The following SEMA3D variants were observed in gnomAD, a reference collection of about 807,000 sequenced individuals.
SEMA3D encodes semaphorin 3D.
Under a neutral mutation model 100.1 loss-of-function variants are expected in SEMA3D, and 84 were observed. The ratio of observed to expected loss-of-function variants is 0.84; its 90% confidence interval spans 0.70 to 1.01. SEMA3D has a LOEUF of 1.01. Among genes scored for constraint, SEMA3D ranks in the 50% least tolerant of loss-of-function variants. SEMA3D has a pLI of 0.00. For missense variants in SEMA3D, 875 were observed against 934.1 expected, an observed-to-expected ratio of 0.94 and a Z score of 0.82; for synonymous variants, 312 against 320.7, an observed-to-expected ratio of 0.97 and a Z score of 0.29.
chr7:85,169,134 A>G (rs1583986104), intron 1 of SEMA3D, among the ~76,000 whole-genome samples: 1 of 151,748 alleles, frequency 6.6e-6, no homozygotes, highest in South Asian at 2.1e-4. Context: ...TATTAATTAG[A>G]AGGATTTTCA....
chr7:85,142,805 C>T (rs1181443693), intron 2 of SEMA3D: 1 of 984,324 alleles, frequency 1.0e-6, no homozygotes, highest in Non-Finnish European at 1.2e-6. Context: ...CCTTTTCTCT[C>T]TTCGGCTGGG....
the SEMA3D span, among the ~76,000 whole-genome samples, chr7:85,249,955 A>G: frequency 1.3e-5 from 2 of 152,122 alleles, no homozygotes; most frequent in Non-Finnish European, 2.9e-5. Context: ...CATCTGAGGT[A>G]CCGGGTTCAT....
Position 85,144,572 on chromosome 7 carries a change from T to A in SEMA3D, c.-41+9036A>T, listed in dbSNP as rs1383994268. ...AACACAATTCTCACAACCATCAGGA[T>A]TTCCGTGAGGATCTTTATCAGGGTT... On this transcript the variant is annotated intron_variant, in intron 2 of 18. Transcript: ENST00000284136. 3.0e-6 allele frequency: 3 copies of A among 985,094 alleles called. No individual in the cohort carries two copies. The African/African-American group carries it at 5.2e-5, about 17-fold the overall frequency. The allele number at this position is 985,094 out of a possible 1,614,324, so 61.0% of individuals were successfully genotyped here.
intron 13 of SEMA3D, among the ~76,000 whole-genome samples, chr7:85,021,901 C>G (rs551672518): frequency 6.6e-5 from 10 of 151,834 alleles, no homozygotes; most frequent in Admixed American, 1.3e-4. Flanking sequence ...CTAGGAAATA[C>G]ATTTTAATGC....
intron 2 of SEMA3D, chr7:85,142,393 C>T (rs1790077861): frequency 2.2e-6 from 2 of 898,818 alleles, no homozygotes; most frequent in African/African-American, 3.6e-5. Flanking sequence ...AAATTATAAC[C>T]TTATTTAAAA....
intron 1 of SEMA3D, among the ~76,000 whole-genome samples, chr7:85,180,864 G>C (rs1791381646): frequency 6.6e-6 from 1 of 152,050 alleles, no homozygotes; most frequent in Non-Finnish European, 1.5e-5. Context: ...TTATTTTGAG[G>C]CTTTTGTTTG....
In SEMA3D at chr7:85,140,715, T is replaced by C. The variant is rs550553790; in HGVS notation, c.-41+12893A>G. 221 of 979,626 alleles carry C rather than the reference T, an allele frequency of 2.3e-4. 1 individual carries two copies. The highest frequency in any genetic ancestry group is 2.7e-4 in the Non-Finnish European group (219 of 824,862). The allele number at this position is 979,626 out of a possible 1,614,324, so 60.7% of individuals were successfully genotyped here. ...GTCATTATTAAGAGATAAATCTATT[T>C]AATACAAGTTTCTTCTGGTTTCCCT... On this transcript the variant is annotated intron_variant, in intron 2 of 18. Coordinates refer to ENST00000284136, the MANE Select transcript of SEMA3D (RefSeq NM_001384900.1).
intron 17 of SEMA3D, among the ~76,000 whole-genome samples, chr7:85,011,025 G>A (rs1392320884): frequency 6.6e-6 from 1 of 151,744 alleles, no homozygotes; most frequent in African/African-American, 2.4e-5. Flanking sequence ...AGGTATGCTG[G>A]AATATCATTT....
chr7:85,104,673 G>A (rs1788857039), intron 3 of SEMA3D, among the ~76,000 whole-genome samples: 1 of 151,746 alleles, frequency 6.6e-6, no homozygotes, highest in Admixed American at 6.6e-5. Context: ...CAGTATTTGA[G>A]TGTTAAATGA....
intron 2 of SEMA3D, among the ~76,000 whole-genome samples, chr7:85,134,258 G>A (rs1789799512): frequency 6.6e-6 from 1 of 151,930 alleles, no homozygotes; most frequent in Non-Finnish European, 1.5e-5. Context: ...TTTTCAACTA[G>A]AGACTACTAA....
chr7:85,009,518 T>C (rs949446693), intron 17 of SEMA3D, among the ~76,000 whole-genome samples: 1 of 151,692 alleles, frequency 6.6e-6, no homozygotes, highest in Admixed American at 6.6e-5. Context: ...ACTCCCACAA[T>C]TGATTATTTG....
chr7:85,147,066 A>ATCTT (rs1265146311), intron 2 of SEMA3D, among the ~76,000 whole-genome samples: 20 of 116,036 alleles, frequency 1.7e-4, no homozygotes, highest in Non-Finnish European at 3.3e-4. Context: ...TTTTCTGTCC[A>ATCTT]TCTTTCTTTC....
intron 12 of SEMA3D, chr7:85,029,694 A>G: frequency 2.9e-6 from 1 of 347,794 alleles, no homozygotes; most frequent in Non-Finnish European, 5.6e-6. Flanking sequence ...GAGGTTGATT[A>G]AGACAACCCA....
chr7:85,247,899 A>G, the SEMA3D span, among the ~76,000 whole-genome samples: 1 of 152,184 alleles, frequency 6.6e-6, no homozygotes, highest in Non-Finnish European at 1.5e-5. Flanking sequence ...CTCAAAGTGC[A>G]TTATAGGCAT....
At chr7:85,016,258 T>G (rs1790098681) in intron 15 of SEMA3D, among the ~76,000 whole-genome samples, 1 of 151,578 alleles carries the variant, frequency 6.6e-6, no homozygotes, top group South Asian at 2.1e-4. Flanking sequence ...TCCTTTTTTT[T>G]TTTTTTTTGC....
chr7:85,014,583 T>C (rs1790045175), intron 16 of SEMA3D, among the ~76,000 whole-genome samples: 1 of 151,776 alleles, frequency 6.6e-6, no homozygotes. Context: ...ATTGACCAAG[T>C]TATAATTATT....
chr7:85,226,100 A>C, the SEMA3D span, among the ~76,000 whole-genome samples: 2 of 152,142 alleles, frequency 1.3e-5, no homozygotes, highest in Non-Finnish European at 1.5e-5. Flanking sequence ...ACACATTATT[A>C]GTACATTTTC....
At chr7:85,151,394 C>A (rs1240850717) in intron 2 of SEMA3D, among the ~76,000 whole-genome samples, 3 of 151,904 alleles carry the variant, frequency 2.0e-5, no homozygotes, top group African/African-American at 2.4e-5. Context: ...TTTTTCCCAA[C>A]CCCAAATTAA....
At chr7:85,069,056 C>G (rs1173840110) in intron 6 of SEMA3D, among the ~76,000 whole-genome samples, 7 of 152,044 alleles carry the variant, frequency 4.6e-5, no homozygotes, top group Admixed American at 6.6e-5. Flanking sequence ...TGTTTCATAA[C>G]AATGACAACA....
Sources: gnomAD v4.1 joint callset for allele counts (sites outside exome capture counted in the v4.1 genomes callset) on GRCh38, gnomAD v4.1.1 for gene constraint, MANE v1.5 for transcripts, NCBI Gene and HGNC (gene_info 2026-07-23, HGNC 2026-07-21) for gene names.